HAPSTR1: variants seen among roughly 807,000 people sequenced by gnomAD.
HAPSTR1 encodes HUWE1 associated protein modifying stress responses, also known as HUWE1-associated protein modifying stress responses 1.
the HAPSTR1 span, chr16:9,118,780 A>T: frequency 6.6e-6 from 1 of 152,630 alleles, no homozygotes; most frequent in East Asian, 1.9e-4. Context: ...TGGTGGTGCA[A>T]TGTGTTGCTC....
the HAPSTR1 span, among the ~76,000 whole-genome samples, chr16:9,095,502 T>G: frequency 6.6e-6 from 1 of 152,058 alleles, no homozygotes. Flanking sequence ...TTCCTGTATT[T>G]TGTATAATAT....
the HAPSTR1 span, chr16:9,116,969 A>G: frequency 1.9e-6 from 3 of 1,595,252 alleles, no homozygotes; most frequent in Non-Finnish European, 2.6e-6. Flanking sequence ...TCCTCAACAT[A>G]TACTATAATT....
chr16:9,109,546 CTG>C, the HAPSTR1 span: 1 of 152,208 alleles, frequency 6.6e-6, no homozygotes, highest in Non-Finnish European at 1.5e-5. Context: ...GTTAACCCCA[CTG>C]GGCCTGAGTT....
At chr16:9,112,218 T>C in the HAPSTR1 span, 1 of 152,254 alleles carries the variant, frequency 6.6e-6, no homozygotes, top group African/African-American at 2.4e-5. Flanking sequence ...ACACTGCAAG[T>C]GCTTGGATGT....
At chr16:9,093,369 G>T in the HAPSTR1 span, among the ~76,000 whole-genome samples, 826 of 152,326 alleles carry the variant, frequency 5.4e-3, 9 homozygotes, top group African/African-American at 0.019. Context: ...AGGTTGAGAA[G>T]CGTTGAGCTG....
chr16:9,091,739 T>TG, the HAPSTR1 span: 2 of 368,324 alleles, frequency 5.4e-6, no homozygotes, highest in Non-Finnish European at 9.4e-6. Context: ...CGCAGCGCCA[T>TG]GGGGGGGCGT....
chr16:9,098,816 TGA>T, the HAPSTR1 span, among the ~76,000 whole-genome samples: 3 of 152,236 alleles, frequency 2.0e-5, no homozygotes, highest in Non-Finnish European at 4.4e-5. Context: ...TGTCTGCAAT[TGA>T]GAGATGGCTT....
At chr16:9,107,200 C>G in the HAPSTR1 span, 1 of 152,228 alleles carries the variant, frequency 6.6e-6, no homozygotes, top group African/African-American at 2.4e-5. Flanking sequence ...CATTCTTCTG[C>G]CCCAACAGCA....
chr16:9,100,116 T>C, the HAPSTR1 span, among the ~76,000 whole-genome samples: 4 of 152,236 alleles, frequency 2.6e-5, no homozygotes, highest in Admixed American at 1.3e-4. Context: ...CCTTCTAGTC[T>C]GTAAGGGTAG....
chr16:9,103,350 CTGTTTTTTGTCTTACAGTAAACAGCT>C, the HAPSTR1 span: 1 of 1,365,110 alleles, frequency 7.3e-7, no homozygotes, highest in East Asian at 2.4e-5. Context: ...TCCAGATATA[CTGTTTTTTGTCTTACAGTAAACAGCT>C]TGCTCTAGAA....
the HAPSTR1 span, among the ~76,000 whole-genome samples, chr16:9,099,968 G>T: frequency 6.6e-6 from 1 of 152,174 alleles, no homozygotes; most frequent in Non-Finnish European, 1.5e-5. Context: ...AAATAACTGA[G>T]GTTGGGTTTG....
At chr16:9,118,710 A>G in the HAPSTR1 span, 1 of 152,456 alleles carries the variant, frequency 6.6e-6, no homozygotes, top group South Asian at 2.1e-4. Context: ...AATATACAAG[A>G]CATGCGTTTG....
At chr16:9,098,991 AT>A in the HAPSTR1 span, among the ~76,000 whole-genome samples, 1 of 152,162 alleles carries the variant, frequency 6.6e-6, no homozygotes. Flanking sequence ...GATTAATTTT[AT>A]GCAGTTATGT....
chr16:9,094,437 G>A, the HAPSTR1 span, among the ~76,000 whole-genome samples: 32 of 152,074 alleles, frequency 2.1e-4, no homozygotes, highest in East Asian at 5.8e-3. Flanking sequence ...AAGGTTTCTG[G>A]GAGTGTAATT....
the HAPSTR1 span, among the ~76,000 whole-genome samples, chr16:9,097,933 C>T: frequency 0.3 from 45,469 of 152,050 alleles, 7,571 homozygotes; most frequent in African/African-American, 0.42. Flanking sequence ...GTGGAGGGAG[C>T]TTCTCTCGAA....
the HAPSTR1 span, chr16:9,117,246 T>G: frequency 4.1e-6 from 1 of 244,388 alleles, no homozygotes; most frequent in South Asian, 6.5e-5. Context: ...AGATGTTTAT[T>G]TGGTTATAGA....
At chr16:9,092,751 G>A in the HAPSTR1 span, among the ~76,000 whole-genome samples, 6 of 152,256 alleles carry the variant, frequency 3.9e-5, no homozygotes, top group East Asian at 1.2e-3. Context: ...TGCCCCCCCG[G>A]TCCTCACACT....
the HAPSTR1 span, chr16:9,108,337 A>T: frequency 6.6e-6 from 1 of 152,058 alleles, no homozygotes; most frequent in Non-Finnish European, 1.5e-5. Flanking sequence ...TCTAATTTTC[A>T]ATATATTTAT....
At chr16:9,099,493 C>T in the HAPSTR1 span, among the ~76,000 whole-genome samples, 4 of 152,148 alleles carry the variant, frequency 2.6e-5, no homozygotes, top group Non-Finnish European at 5.9e-5. Context: ...GTGCCATGCC[C>T]GCCCAGTTCC....
Sources: allele counts gnomAD v4.1 joint callset (sites outside exome capture counted in the v4.1 genomes callset), GRCh38; gene constraint gnomAD v4.1.1; transcripts MANE v1.5; gene names NCBI Gene and HGNC (gene_info 2026-07-23, HGNC 2026-07-21).